The following ZSWIM6 variants were observed in gnomAD, a reference collection of about 807,000 sequenced individuals.
ZSWIM6 encodes zinc finger SWIM-type containing 6, also known as zinc finger SWIM domain-containing protein 6.
Under a neutral mutation model 113.2 loss-of-function variants are expected in ZSWIM6, and 9 were observed. The observed-to-expected ratio is 0.08, with a 90% CI of 0.05 to 0.14. ZSWIM6 has a LOEUF of 0.14. Ranked by LOEUF, ZSWIM6 falls within the 10% of genes least tolerant of loss-of-function variation. ZSWIM6 has a pLI of 1.00. For synonymous variants in ZSWIM6, 611 were observed against 606.5 expected (o/e 1.01, Z -0.11); for missense variants, 1,162 against 1,552.2 (o/e 0.75, Z 4.22).
At chr5:61,363,126 ACTGTGCCCTC>A (rs371042771) in intron 1 of ZSWIM6, among the ~76,000 whole-genome samples, 171 of 152,268 alleles carry the variant, frequency 1.1e-3, no homozygotes, top group African/African-American at 3.8e-3. Context: ...CATATTGGAG[ACTGTGCCCTC>A]CTTTCCCCAC....
chr5:61,434,674 C>T (rs1052756736), intron 1 of ZSWIM6, among the ~76,000 whole-genome samples: 22 of 152,064 alleles, frequency 1.4e-4, no homozygotes, highest in South Asian at 2.1e-4. Flanking sequence ...ACCACATTTT[C>T]TTCATCCACT....
At chr5:61,523,811 T>C (rs1195923987) in intron 5 of ZSWIM6, among the ~76,000 whole-genome samples, 1 of 152,238 alleles carries the variant, frequency 6.6e-6, no homozygotes, top group African/African-American at 2.4e-5. Flanking sequence ...TAGCCTCTTT[T>C]GTTGTCATTG....
chr5:61,342,159 G>A (rs1284335977), intron 1 of ZSWIM6, among the ~76,000 whole-genome samples: 1 of 152,138 alleles, frequency 6.6e-6, no homozygotes, highest in African/African-American at 2.4e-5. Flanking sequence ...GGATTCAGAT[G>A]TGAGTCACCA....
At chr5:61,386,716 T>A (rs1745598252) in intron 1 of ZSWIM6, among the ~76,000 whole-genome samples, 1 of 152,306 alleles carries the variant, frequency 6.6e-6, no homozygotes, top group African/African-American at 2.4e-5. Flanking sequence ...CAGGAATATA[T>A]TTTGAGATTC....
At chr5:61,532,205 C>T (rs953038460) in intron 9 of ZSWIM6, among the ~76,000 whole-genome samples, 6 of 152,112 alleles carry the variant, frequency 3.9e-5, no homozygotes, top group African/African-American at 9.7e-5. Flanking sequence ...GAGGGCTGTG[C>T]GAGTGAATTT....
intron 1 of ZSWIM6, among the ~76,000 whole-genome samples, chr5:61,421,274 C>T (rs1049280785): frequency 2.6e-5 from 4 of 152,074 alleles, no homozygotes; most frequent in African/African-American, 4.8e-5. Context: ...ACTTTTCTTC[C>T]TAGCCTCTGG....
At chr5:61,368,580 G>A (rs903046100) in intron 1 of ZSWIM6, among the ~76,000 whole-genome samples, 2 of 152,168 alleles carry the variant, frequency 1.3e-5, no homozygotes, top group Admixed American at 1.3e-4. Flanking sequence ...TAACGTTTGG[G>A]CTTTGGCTCA....
At chr5:61,354,723 C>T (rs1232771404) in intron 1 of ZSWIM6, among the ~76,000 whole-genome samples, 2 of 152,176 alleles carry the variant, frequency 1.3e-5, no homozygotes, top group Admixed American at 1.3e-4. Context: ...ATTCATACAT[C>T]ACTTGATTCT....
rs1340474748 is a variant in ZSWIM6 at position 61,517,901 on chromosome 5, C to T, written c.1334-3362C>T. Among the ~76,000 whole-genome samples, 6 of 149,036 alleles carry T rather than the reference C, an allele frequency of 4.0e-5. No homozygotes were observed. The South Asian group carries it at 6.4e-4, about 16-fold the overall frequency. Reference sequence around the variant, plus strand: ...TGCTGGTGTGCTGCACCCACTAACTCGTCATCTAGCATTAGGTATATCTCC... The same window carrying T: ...TGCTGGTGTGCTGCACCCACTAACTTGTCATCTAGCATTAGGTATATCTCC... On this transcript the variant is annotated intron_variant, in intron 4 of 13. Transcript: ENST00000252744.
intron 1 of ZSWIM6, among the ~76,000 whole-genome samples, chr5:61,383,798 C>T (rs1174826533): frequency 6.6e-6 from 1 of 151,724 alleles, no homozygotes. Context: ...CCACCTGCCT[C>T]GGCCTCCCAA....
At chr5:61,447,215 T>C (rs376638182) in intron 1 of ZSWIM6, among the ~76,000 whole-genome samples, 4 of 152,088 alleles carry the variant, frequency 2.6e-5, no homozygotes, top group Admixed American at 1.3e-4. Flanking sequence ...ACCTAACTTA[T>C]GCAGATTCCA....
chr5:61,333,625 C>T (rs1458402533), intron 1 of ZSWIM6, among the ~76,000 whole-genome samples: 1 of 151,362 alleles, frequency 6.6e-6, no homozygotes, highest in Non-Finnish European at 1.5e-5. Flanking sequence ...TGCGCCTCCT[C>T]AGTCTCCAAG....
chr5:61,351,974 C>T (rs1382634682), intron 1 of ZSWIM6, among the ~76,000 whole-genome samples: 1 of 152,182 alleles, frequency 6.6e-6, no homozygotes, highest in Non-Finnish European at 1.5e-5. Flanking sequence ...TGGTGTTGTT[C>T]ATACCTACCC....
intron 1 of ZSWIM6, among the ~76,000 whole-genome samples, chr5:61,469,533 A>G (rs1288050934): frequency 6.6e-6 from 1 of 152,200 alleles, no homozygotes; most frequent in African/African-American, 2.4e-5. Flanking sequence ...AGAATAGTAA[A>G]TTTTAAGTAA....
At chr5:61,541,526 T>A (rs1159509565) in intron 12 of ZSWIM6, among the ~76,000 whole-genome samples, 1 of 152,060 alleles carries the variant, frequency 6.6e-6, no homozygotes. Context: ...AACTATGGAA[T>A]GTTAAATCTG....
At chr5:61,375,969 T>G in intron 1 of ZSWIM6, 1 of 596,926 alleles carries the variant, frequency 1.7e-6, no homozygotes, top group East Asian at 2.8e-5. Flanking sequence ...TTTTTAGAAT[T>G]ATTCCTGGAC....
intron 13 of ZSWIM6, among the ~76,000 whole-genome samples, chr5:61,542,245 A>G (rs905817218): frequency 1.3e-5 from 2 of 152,214 alleles, no homozygotes; most frequent in Non-Finnish European, 2.9e-5. Flanking sequence ...GTTCATATAT[A>G]TAAAGTTACC....
intron 1 of ZSWIM6, among the ~76,000 whole-genome samples, chr5:61,333,724 C>T (rs1231636184): frequency 6.6e-6 from 1 of 152,116 alleles, no homozygotes; most frequent in Non-Finnish European, 1.5e-5. Context: ...AGGGCGCGAG[C>T]CTGAGGAGGA....
chr5:61,357,154 G>T (rs1041161021), intron 1 of ZSWIM6, among the ~76,000 whole-genome samples: 1 of 151,984 alleles, frequency 6.6e-6, no homozygotes. Context: ...ATTCTGATAC[G>T]CACAGAACCA....
Sources: allele counts gnomAD v4.1 joint callset (sites outside exome capture counted in the v4.1 genomes callset), GRCh38; gene constraint gnomAD v4.1.1; transcripts MANE v1.5; gene names NCBI Gene and HGNC (gene_info 2026-07-23, HGNC 2026-07-21).